The following AKAP7 variants were observed in gnomAD, a reference collection of about 807,000 sequenced individuals.
The protein encoded by AKAP7 is A kinase (PRKA) anchor protein 7.
A neutral mutation model predicts 39.5 loss-of-function variants in AKAP7; 39 were observed. The observed-to-expected ratio is 0.99, with a 90% CI of 0.76 to 1.29. The LOEUF (loss-of-function observed/expected upper bound fraction) is 1.29, where lower values mean the gene tolerates loss of function less well. Among genes scored for constraint, AKAP7 ranks in the 50% most tolerant of loss-of-function variants. The pLI, the probability that AKAP7 is intolerant of heterozygous loss-of-function variation, is 0.00. For missense variants in AKAP7, 414 were observed against 407.7 expected, an observed-to-expected ratio of 1.02 and a Z score of -0.13; for synonymous variants, 140 against 139.1, an observed-to-expected ratio of 1.01 and a Z score of -0.05.
chr6:131,185,101 G>A (rs1411188407), intron 5 of AKAP7: 6 of 658,006 alleles, frequency 9.1e-6, no homozygotes, highest in African/African-American at 3.6e-5. Flanking sequence ...GGGGTACCTC[G>A]CTTCCCCAGG....
intron 1 of AKAP7, chr6:131,137,474 C>T (rs1171113990): frequency 6.6e-6 from 1 of 152,344 alleles, no homozygotes; most frequent in Non-Finnish European, 1.5e-5. Flanking sequence ...CCTCCGCCTC[C>T]CAGCTTCAAG....
chr6:131,195,876 T>C (rs1283681920), intron 5 of AKAP7, among the ~76,000 whole-genome samples: 1 of 152,172 alleles, frequency 6.6e-6, no homozygotes, highest in Non-Finnish European at 1.5e-5. Context: ...GGATCCTTTC[T>C]TTATTCTTGA....
chr6:131,178,375 G>T (rs1804775886), intron 5 of AKAP7, among the ~76,000 whole-genome samples: 1 of 152,154 alleles, frequency 6.6e-6, no homozygotes, highest in Admixed American at 6.6e-5. Flanking sequence ...ACAGTATTGG[G>T]CACGCAGACA....
chr6:131,242,004 T>C (rs1437614212), intron 7 of AKAP7: 1 of 938,924 alleles, frequency 1.1e-6, no homozygotes, highest in African/African-American at 1.8e-5. Context: ...TTTCCCTTTA[T>C]GAAGTTTAAA....
rs1815266571 is a variant in AKAP7 at position 131,282,329 on chromosome 6, T to A, written c.*603T>A. On this transcript the variant is annotated 3_prime_UTR_variant, in exon 8 of 8. Coordinates refer to ENST00000431975, the MANE Select transcript of AKAP7 (RefSeq NM_016377.4). ...TGTGGGCAACATTTTAAAGTTTTTT[T>A]AAAATCCTATTTTGATAAGTCAGTA... 8 of 1,361,082 alleles carry A rather than the reference T, an allele frequency of 5.9e-6. No homozygotes were observed. Among genetic ancestry groups the A allele is most frequent in the Non-Finnish European group, 6.6e-6 (7 of 1,058,930 alleles). 84.3% of individuals were successfully genotyped at this position (1,361,082 alleles called of 1,614,324 possible).
intron 7 of AKAP7, among the ~76,000 whole-genome samples, chr6:131,275,435 G>C (rs180698284): frequency 1.0e-3 from 155 of 152,306 alleles, no homozygotes; most frequent in African/African-American, 3.7e-3. Flanking sequence ...CACATTAGGA[G>C]TTCTGTCATA....
intron 3 of AKAP7, among the ~76,000 whole-genome samples, chr6:131,163,060 A>G (rs1803148040): frequency 6.6e-6 from 1 of 152,122 alleles, no homozygotes; most frequent in Non-Finnish European, 1.5e-5. Context: ...CTGTCATTCC[A>G]AGTTATAACC....
Position 131,249,517 on chromosome 6 carries a change from G to A in AKAP7, c.850+29709G>A, listed in dbSNP as rs929267019. Among the ~76,000 whole-genome samples the A allele has an allele frequency of 2.0e-5, 3 of 152,286 alleles. No individual in the cohort carries two copies. In the South Asian group the frequency reaches 6.2e-4, roughly 32 times the overall value. On this transcript the variant is annotated intron_variant, in intron 7 of 7. Transcript: ENST00000431975. ...TCCTTCTAATCCATGGGAAATAGGTGTGCCTAGCTAGTAAATAGAGGAGTA... is the reference window on the plus strand; with the variant it reads ...TCCTTCTAATCCATGGGAAATAGGTATGCCTAGCTAGTAAATAGAGGAGTA...
chr6:131,171,479 G>A (rs1019334549), intron 5 of AKAP7, among the ~76,000 whole-genome samples: 1 of 152,170 alleles, frequency 6.6e-6, no homozygotes. Flanking sequence ...AAGTAGTTTA[G>A]TGTTACTGAA....
chr6:131,276,908 T>G (rs759250942), intron 7 of AKAP7, among the ~76,000 whole-genome samples: 36 of 152,190 alleles, frequency 2.4e-4, no homozygotes, highest in Non-Finnish European at 3.8e-4. Flanking sequence ...TCAGTTAAGC[T>G]GTTGTTGGGT....
intron 7 of AKAP7, among the ~76,000 whole-genome samples, chr6:131,224,771 T>G (rs1000357319): frequency 7.2e-6 from 1 of 139,824 alleles, no homozygotes; most frequent in Non-Finnish European, 1.5e-5. Context: ...AGACAGAGTC[T>G]TGCTCTTTCA....
At chr6:131,130,081 G>C in the AKAP7 span, among the ~76,000 whole-genome samples, 1 of 152,132 alleles carries the variant, frequency 6.6e-6, no homozygotes, top group South Asian at 2.1e-4. Flanking sequence ...GTCAGAAATG[G>C]GTCATGTTTC....
At chr6:131,254,243 A>C (rs1046244911) in intron 7 of AKAP7, among the ~76,000 whole-genome samples, 41 of 152,206 alleles carry the variant, frequency 2.7e-4, no homozygotes, top group Non-Finnish European at 1.0e-4. Flanking sequence ...ATTACTGGAA[A>C]TATTATAGGT....
intron 7 of AKAP7, among the ~76,000 whole-genome samples, chr6:131,264,480 GT>G (rs1312908145): frequency 6.6e-6 from 1 of 152,204 alleles, no homozygotes; most frequent in East Asian, 1.9e-4. Context: ...ATTGTTTACA[GT>G]TATTTCAACA....
chr6:131,210,614 C>G (rs1274719754), intron 6 of AKAP7, among the ~76,000 whole-genome samples: 1 of 152,198 alleles, frequency 6.6e-6, no homozygotes, highest in Non-Finnish European at 1.5e-5. Context: ...ACCTCTCTTC[C>G]TTCCTTGGGG....
At chr6:131,181,096 T>C (rs1396288826) in intron 5 of AKAP7, among the ~76,000 whole-genome samples, 1 of 151,982 alleles carries the variant, frequency 6.6e-6, no homozygotes, top group Non-Finnish European at 1.5e-5. Context: ...CCACCATGCC[T>C]GGCTAATTTT....
chr6:131,235,965 A>T (rs1811018884), intron 7 of AKAP7, among the ~76,000 whole-genome samples: 1 of 152,216 alleles, frequency 6.6e-6, no homozygotes, highest in Non-Finnish European at 1.5e-5. Flanking sequence ...TGTTTTAGAC[A>T]TGAAGTCCTT....
At chr6:131,277,463 T>G (rs370706620) in intron 7 of AKAP7, among the ~76,000 whole-genome samples, 11 of 152,308 alleles carry the variant, frequency 7.2e-5, no homozygotes, top group African/African-American at 2.6e-4. Context: ...AAAAGATAGT[T>G]TGTGTGTGTT....
intron 5 of AKAP7, among the ~76,000 whole-genome samples, chr6:131,179,456 G>A (rs1389122858): frequency 6.6e-6 from 1 of 152,160 alleles, no homozygotes; most frequent in Non-Finnish European, 1.5e-5. Context: ...TTACAGGCGT[G>A]AGCCACCGTG....
Sources: gnomAD v4.1 joint callset for allele counts (sites outside exome capture counted in the v4.1 genomes callset) on GRCh38, gnomAD v4.1.1 for gene constraint, MANE v1.5 for transcripts, NCBI Gene and HGNC (gene_info 2026-07-23, HGNC 2026-07-21) for gene names.